Variants in ANK3 observed in about 807,000 individuals in gnomAD.
ANK3 encodes the protein ankyrin-3.
In ANK3, 57 loss-of-function variants were observed where a neutral mutation model predicts 370.9. That is an observed-to-expected ratio of 0.15 (90% CI 0.12 to 0.19). ANK3 has a LOEUF of 0.19. Among genes scored for constraint, ANK3 ranks in the 10% least tolerant of loss-of-function variants. ANK3 has a pLI of 1.00. For missense variants in ANK3, 4,439 were observed against 5,302.1 expected (o/e 0.84, Z 5.06); for synonymous variants, 1,929 against 1,946.3 (o/e 0.99, Z 0.23).
At chr10:60,698,696 G>A (rs925439675) in intron 1 of ANK3, among the ~76,000 whole-genome samples, 1 of 130,286 alleles carries the variant, frequency 7.7e-6, no homozygotes, top group African/African-American at 2.9e-5. Flanking sequence ...GGTGGGAATT[G>A]AACAATGAGA....
intron 1 of ANK3, among the ~76,000 whole-genome samples, chr10:60,630,895 A>G (rs560249610): frequency 1.3e-5 from 2 of 152,286 alleles, no homozygotes; most frequent in African/African-American, 2.4e-5. Flanking sequence ...AACGTCACCA[A>G]TATGAGAGAT....
At chr10:60,138,168 G>A (rs2094434223) in intron 24 of ANK3, among the ~76,000 whole-genome samples, 1 of 152,138 alleles carries the variant, frequency 6.6e-6, no homozygotes, top group African/African-American at 2.4e-5. Flanking sequence ...TTTACTATTA[G>A]ACAATGAAAC....
chr10:60,231,801 C>T (rs1392669695), intron 8 of ANK3, among the ~76,000 whole-genome samples: 1 of 152,200 alleles, frequency 6.6e-6, no homozygotes, highest in Admixed American at 6.5e-5. Flanking sequence ...CCATTCCATT[C>T]AGGACAACTG....
chr10:60,227,709 A>G (rs2097184338), intron 8 of ANK3, among the ~76,000 whole-genome samples: 1 of 151,956 alleles, frequency 6.6e-6, no homozygotes, highest in African/African-American at 2.4e-5. Context: ...TATTTATCCC[A>G]TGTAATGATT....
chr10:60,316,762 T>C (rs577207276), intron 1 of ANK3, among the ~76,000 whole-genome samples: 1 of 152,218 alleles, frequency 6.6e-6, no homozygotes, highest in East Asian at 1.9e-4. Flanking sequence ...TATTTTTTTT[T>C]ATTGAGATGG....
intron 30 of ANK3, among the ~76,000 whole-genome samples, chr10:60,085,839 C>T (rs1221257015): frequency 6.6e-6 from 1 of 152,142 alleles, no homozygotes; most frequent in Non-Finnish European, 1.5e-5. Context: ...TGGTCTCGAA[C>T]TCCTGACCTC....
intron 1 of ANK3, among the ~76,000 whole-genome samples, chr10:60,312,014 C>T (rs1273584999): frequency 6.6e-6 from 1 of 152,168 alleles, no homozygotes; most frequent in Non-Finnish European, 1.5e-5. Context: ...GTACCAGGAA[C>T]ATAGTAGATG....
chr10:60,079,043 T>C (rs2131994712), intron 36 of ANK3, among the ~76,000 whole-genome samples: 1 of 152,204 alleles, frequency 6.6e-6, no homozygotes, highest in East Asian at 1.9e-4. Flanking sequence ...ATTGAGCCTG[T>C]CCAAAGCTTA....
chr10:60,061,100 T>C (rs1490309453), intron 40 of ANK3, among the ~76,000 whole-genome samples: 8 of 152,148 alleles, frequency 5.3e-5, no homozygotes, highest in Non-Finnish European at 8.8e-5. Flanking sequence ...AAAATAAAAG[T>C]CTAATTTTTC....
At chr10:60,031,522 C>T (rs1273196116) in intron 43 of ANK3, among the ~76,000 whole-genome samples, 1 of 152,186 alleles carries the variant, frequency 6.6e-6, no homozygotes, top group East Asian at 1.9e-4. Context: ...ACTTGCATGC[C>T]TACCTGCCTG....
chr10:60,591,296 A>AT (rs1196724824), intron 2 of ANK3, among the ~76,000 whole-genome samples: 1 of 141,788 alleles, frequency 7.1e-6, no homozygotes, highest in African/African-American at 2.6e-5. Flanking sequence ...TTTTATTTTT[A>AT]TTTTTATTTT....
At chr10:60,645,541 C>T (rs944259675) in intron 1 of ANK3, among the ~76,000 whole-genome samples, 12 of 151,966 alleles carry the variant, frequency 7.9e-5, no homozygotes, top group African/African-American at 2.2e-4. Flanking sequence ...GCCTGGCCAA[C>T]ATGGTGAAAT....
chr10:60,459,144 C>A (rs577980589), intron 2 of ANK3, among the ~76,000 whole-genome samples: 5 of 152,196 alleles, frequency 3.3e-5, no homozygotes, highest in Admixed American at 3.3e-4. Flanking sequence ...AAATATATTC[C>A]GTTTCCAAAG....
chr10:60,373,101 A>T (rs1359337836), intron 1 of ANK3, among the ~76,000 whole-genome samples: 1 of 152,238 alleles, frequency 6.6e-6, no homozygotes, highest in Non-Finnish European at 1.5e-5. Context: ...TTAGTTACAT[A>T]ACTTTGTAGC....
Position 60,053,716 on chromosome 10 carries a change from C to T in ANK3, c.13065+1942G>A, listed in dbSNP as rs116500466. On this transcript the variant is annotated intron_variant, in intron 42 of 43. Coordinates refer to ENST00000280772, the MANE Select transcript of ANK3 (RefSeq NM_020987.5). Reference sequence around the variant, plus strand: ...CAGTCATCCGTGTAGGAGCCGCACCCGGACTTTTGACCTGATTTTTTAGGG... The same window carrying T: ...CAGTCATCCGTGTAGGAGCCGCACCTGGACTTTTGACCTGATTTTTTAGGG... 4.8e-4 allele frequency: 630 copies of T among 1,303,796 alleles called. 3 individuals are homozygous for T. In the African/African-American group the frequency reaches 8.6e-3, roughly 18 times the overall value. The allele number at this position is 1,303,796 out of a possible 1,614,324, so 80.8% of individuals were successfully genotyped here. A position where few individuals can be genotyped will look rare whatever the true frequency, so the allele number is the denominator to read the frequency against.
At chr10:60,728,897 T>G (rs545767606) in intron 1 of ANK3, among the ~76,000 whole-genome samples, 3 of 152,346 alleles carry the variant, frequency 2.0e-5, no homozygotes, top group South Asian at 4.1e-4. Context: ...TCTAGTTTAT[T>G]GTGAAGTACA....
At chr10:60,405,779 T>C (rs1395905515) in intron 2 of ANK3, among the ~76,000 whole-genome samples, 1 of 152,178 alleles carries the variant, frequency 6.6e-6, no homozygotes, top group Admixed American at 6.5e-5. Flanking sequence ...TATAGAGAGA[T>C]TGACAGAATG....
chr10:60,532,203 C>T (rs1270424497), intron 2 of ANK3, among the ~76,000 whole-genome samples: 5 of 152,138 alleles, frequency 3.3e-5, no homozygotes, highest in Admixed American at 3.3e-4. Context: ...TCTAAAGAGA[C>T]CCAGTTGCAT....
chr10:60,579,770 T>A (rs903326323), intron 2 of ANK3, among the ~76,000 whole-genome samples: 1 of 152,188 alleles, frequency 6.6e-6, no homozygotes, highest in Non-Finnish European at 1.5e-5. Context: ...CCTCTTAAAG[T>A]GACAGACTGC....
Sources: gnomAD v4.1 joint callset for allele counts (sites outside exome capture counted in the v4.1 genomes callset) on GRCh38, gnomAD v4.1.1 for gene constraint, MANE v1.5 for transcripts, NCBI Gene and HGNC (gene_info 2026-07-23, HGNC 2026-07-21) for gene names.